Variants in ABCA5 observed in about 807,000 individuals in gnomAD.
ABCA5 encodes cholesterol transporter ABCA5.
Under a neutral mutation model 206.0 loss-of-function variants are expected in ABCA5, and 163 were observed. That is an observed-to-expected ratio of 0.79 (90% CI 0.70 to 0.90). The LOEUF (loss-of-function observed/expected upper bound fraction) is 0.90. Ranked by LOEUF, ABCA5 falls within the 40% of genes least tolerant of loss-of-function variation. The pLI is 0.00. For missense variants in ABCA5, 1,859 were observed against 1,912.9 expected (o/e 0.97, Z 0.53); for synonymous variants, 609 against 613.8 (o/e 0.99, Z 0.11).
intron 28 of ABCA5, among the ~76,000 whole-genome samples, chr17:69,258,380 G>A (rs982863842): frequency 2.0e-5 from 3 of 152,094 alleles, no homozygotes; most frequent in Admixed American, 6.6e-5. Flanking sequence ...CAACATGGAT[G>A]GAACTGGAGA....
chr17:69,288,001 TCAGA>T (rs1437889895), intron 14 of ABCA5, among the ~76,000 whole-genome samples: 4 of 152,122 alleles, frequency 2.6e-5, no homozygotes, highest in African/African-American at 9.7e-5. Flanking sequence ...ATAACAACAG[TCAGA>T]CAAACAAACT....
At position 69,256,142 on chromosome 17, in the gene ABCA5, T is replaced by A. The variant is rs766306763; in HGVS notation, c.3858+15A>T. The A allele has an allele frequency of 1.3e-6, 2 of 1,567,812 alleles. No homozygotes were observed. Among genetic ancestry groups the A allele is most frequent in the Non-Finnish European group, 1.7e-6 (2 of 1,162,300 alleles). On this transcript the variant is annotated intron_variant, in intron 29 of 38. Coordinates refer to ENST00000392676, the MANE Select transcript of ABCA5 (RefSeq NM_172232.4). Reference sequence around the variant, plus strand: ...TTTCATATTTACTATGACTTAGCCATAAAGAATAAATTACCTCCTCACAAC... The same window carrying A: ...TTTCATATTTACTATGACTTAGCCAAAAAGAATAAATTACCTCCTCACAAC...
At chr17:69,285,794 C>T in intron 17 of ABCA5, 104 bp downstream of exon 17, 2 of 1,168,578 alleles carry the variant, frequency 1.7e-6, no homozygotes, top group Non-Finnish European at 2.3e-6. Context: ...CACCTGGGAG[C>T]ATGGCAATAC....
At chr17:69,256,434 CT>C (rs959625331) in intron 28 of ABCA5, 151 bp from the exon 29 acceptor site, 265 of 404,996 alleles carry the variant, frequency 6.5e-4, no homozygotes, top group African/African-American at 4.8e-3. Flanking sequence ...AGCGATATTT[CT>C]TTTTTTTTCT....
At chr17:69,251,969 C>T in intron 34 of ABCA5, 103 bp from the exon 35 acceptor site, 4 of 1,268,798 alleles carry the variant, frequency 3.2e-6, no homozygotes, top group Non-Finnish European at 4.4e-6. Flanking sequence ...TTAATTAAAA[C>T]TTACCAAATA....
At chr17:69,312,372 G>A (rs985924899) in intron 3 of ABCA5, among the ~76,000 whole-genome samples, 1 of 151,988 alleles carries the variant, frequency 6.6e-6, no homozygotes, top group African/African-American at 2.4e-5. Context: ...AGACCAACCT[G>A]GGCAACATAG....
At chr17:69,272,263 A>G (rs905686262) in intron 20 of ABCA5, among the ~76,000 whole-genome samples, 2 of 152,130 alleles carry the variant, frequency 1.3e-5, no homozygotes, top group African/African-American at 2.4e-5. Flanking sequence ...ACCACAGCAC[A>G]AGAGATACAA....
In ABCA5 at chr17:69,326,112, T is replaced by C. The variant is rs1407545375; in HGVS notation, c.-16+940A>G. Among the ~76,000 whole-genome samples, 1 of 152,132 alleles carries C rather than the reference T, an allele frequency of 6.6e-6. No individual in the cohort carries two copies. The highest frequency in any genetic ancestry group is 1.5e-5 in the Non-Finnish European group (1 of 68,012). On this transcript the variant is annotated intron_variant, in intron 1 of 38. Coordinates refer to ENST00000392676, the MANE Select transcript of ABCA5 (RefSeq NM_172232.4). The surrounding 1 kb of genome is among the most constrained non-coding windows in gnomAD (Gnocchi z 4.8). ...CAGAATTAGGGTCTGGCAGCCCGGG[T>C]TGGAATCTCAACTCCATCCTTTTAC...
chr17:69,298,068 C>A (rs968173771), intron 9 of ABCA5, among the ~76,000 whole-genome samples: 7 of 151,958 alleles, frequency 4.6e-5, no homozygotes, highest in Non-Finnish European at 1.0e-4. Flanking sequence ...TGCCTGTAGT[C>A]CCAGCTACCT....
At chr17:69,309,749 G>C (rs1358084479) in intron 3 of ABCA5, among the ~76,000 whole-genome samples, 1 of 152,086 alleles carries the variant, frequency 6.6e-6, no homozygotes, top group Non-Finnish European at 1.5e-5. Flanking sequence ...GCGGAGGTGG[G>C]AGGATCATTT....
intron 11 of ABCA5, among the ~76,000 whole-genome samples, chr17:69,293,280 T>C (rs1222004640): frequency 6.6e-6 from 1 of 152,124 alleles, no homozygotes; most frequent in Non-Finnish European, 1.5e-5. Context: ...CCCAAAAATC[T>C]GTAGGGCAGG....
intron 20 of ABCA5, among the ~76,000 whole-genome samples, chr17:69,272,329 T>C (rs750532687): frequency 6.6e-6 from 1 of 151,982 alleles, no homozygotes; most frequent in Non-Finnish European, 1.5e-5. Context: ...CAGAGGCCAG[T>C]GGTTCAAAAA....
intron 23 of ABCA5, among the ~76,000 whole-genome samples, chr17:69,266,780 GAAT>G (rs1314977977): frequency 6.7e-6 from 1 of 148,480 alleles, no homozygotes; most frequent in Non-Finnish European, 1.5e-5. Context: ...AACAAAAATT[GAAT>G]ATTATTTTAA....
intron 20 of ABCA5, 57 bp downstream of exon 20, chr17:69,273,901 AC>A: frequency 6.8e-7 from 1 of 1,471,934 alleles, no homozygotes; most frequent in Non-Finnish European, 9.1e-7. Flanking sequence ...ACCTTTATCC[AC>A]CCCTCAACCC....
chr17:69,311,354 G>T (rs771321823), intron 3 of ABCA5, among the ~76,000 whole-genome samples: 1 of 152,086 alleles, frequency 6.6e-6, no homozygotes, highest in Non-Finnish European at 1.5e-5. Context: ...TGTTATGTAT[G>T]TATGCATAAC....
At position 69,299,455 on chromosome 17, in the gene ABCA5, T is replaced by TACACACAC. The variant is rs779059294; in HGVS notation, c.1267+1676_1267+1683dup. On this transcript the variant is annotated intron_variant, in intron 9 of 38. Transcript: ENST00000392676. Reference sequence around the variant, plus strand: ...CAACAACTGGATAAAGAAAATGTGATACACACACACACACATACACACACA... The same window carrying TACACACAC: ...CAACAACTGGATAAAGAAAATGTGATACACACACACACACACACACACATACACACACA... 7.4e-3 allele frequency among the ~76,000 whole-genome samples: 464 copies of TACACACAC among 62,586 alleles called. 1 individual carries two copies. The highest frequency in any genetic ancestry group is 0.014 in the Non-Finnish European group (354 of 25,080). The allele number at this position is 62,586 out of a possible 152,430, so 41.1% of individuals were successfully genotyped here. A position where few individuals can be genotyped will look rare whatever the true frequency, so the allele number is the denominator to read the frequency against.
intron 23 of ABCA5, among the ~76,000 whole-genome samples, chr17:69,266,518 G>A (rs2075209920): frequency 6.7e-6 from 1 of 149,928 alleles, no homozygotes; most frequent in Non-Finnish European, 1.5e-5. Flanking sequence ...GTATACATAT[G>A]TAACTAACCT....
intron 1 of ABCA5, among the ~76,000 whole-genome samples, chr17:69,321,948 A>G (rs146338079): frequency 6.2e-4 from 94 of 152,270 alleles, no homozygotes; most frequent in African/African-American, 2.3e-3. Flanking sequence ...TAAATCCAAT[A>G]AGTTGCAAGA....
In ABCA5 at chr17:69,246,645, A is replaced by C. The variant is rs752791083; in HGVS notation, c.*892T>G. 1 of 151,948 alleles carries C rather than the reference A, an allele frequency of 6.6e-6. No homozygotes were observed. The highest frequency in any genetic ancestry group is 1.5e-5 in the Non-Finnish European group (1 of 67,814). 9.4% of individuals were successfully genotyped at this position (151,948 alleles called of 1,614,324 possible). On this transcript the variant is annotated 3_prime_UTR_variant, in exon 39 of 39. Transcript: ENST00000392676. Reference sequence around the variant, plus strand: ...GATTCACTAAAGTTTACCAATAAAAACAAATACCCAATAAAATATTTTATT... The same window carrying C: ...GATTCACTAAAGTTTACCAATAAAACCAAATACCCAATAAAATATTTTATT...
Sources: gnomAD v4.1 joint callset for allele counts (sites outside exome capture counted in the v4.1 genomes callset) on GRCh38, gnomAD v4.1.1 for gene constraint, Gnocchi (gnomAD v3.1) non-coding constraint, MANE v1.5 for transcripts, NCBI Gene and HGNC (gene_info 2026-07-23, HGNC 2026-07-21) for gene names.